Variants in NFS1 observed in about 807,000 individuals in gnomAD.
NFS1 encodes NFS1 cysteine desulfurase, also known as cysteine desulfurase.
A neutral mutation model predicts 57.3 loss-of-function variants in NFS1; 26 were observed. The observed-to-expected ratio is 0.45, with a 90% CI of 0.33 to 0.63. NFS1 has a LOEUF of 0.63. NFS1 is among the 20% of genes least tolerant of loss of function. The pLI is 0.02. For synonymous variants in NFS1, 209 were observed against 216.3 expected (o/e 0.97, Z 0.30); for missense variants, 505 against 605.8 (o/e 0.83, Z 1.75).
rs1367091532 is a variant in NFS1 at position 35,674,404 on chromosome 20, A to G, written c.1082T>C (p.Val361Ala). The G allele has an allele frequency of 6.2e-7, 1 of 1,613,928 alleles. No individual in the cohort carries two copies. The highest frequency in any genetic ancestry group is 8.5e-7 in the Non-Finnish European group (1 of 1,179,990). ...PGCINLSFAYVEGESLLMALK... is the reference protein window; with the variant it reads ...PGCINLSFAYAEGESLLMALK... ...TGCCATCAGCAGACTTTCCCCTTCC[A>G]CATATGCAAAGGAGAGGTTGATACA... Residue 361 changes from valine (V) to alanine (A), a missense_variant, in exon 10 of 13, where the codon GTG (valine) becomes GCG (alanine). Coordinates refer to ENST00000374092, the MANE Select transcript of NFS1 (RefSeq NM_021100.5).
rs2034760034 is a variant in NFS1, at chr20:35,676,831, G to A, written c.791-1629C>T. Among the ~76,000 whole-genome samples the A allele has an allele frequency of 2.0e-5, 3 of 149,722 alleles. No individual in the cohort carries two copies. In the South Asian group the frequency reaches 6.4e-4, roughly 32 times the overall value. On this transcript the variant is annotated intron_variant, in intron 7 of 12. Coordinates refer to ENST00000374092, the MANE Select transcript of NFS1 (RefSeq NM_021100.5). ...CCAGAAGGGAACTGCATAGCTGGAGGTCAGAGGTGAGAGGCAGACTTTTGT... is the reference window on the plus strand; with the variant it reads ...CCAGAAGGGAACTGCATAGCTGGAGATCAGAGGTGAGAGGCAGACTTTTGT...
chr20:35,699,208 C>T lies in NFS1; in HGVS notation c.81G>A (p.Arg27=), dbSNP rs1010107516. The T allele has an allele frequency of 2.7e-5, 39 of 1,423,448 alleles. No individual in the cohort carries two copies. The highest frequency in any genetic ancestry group is 3.5e-5 in the Non-Finnish European group (38 of 1,098,890). The allele number at this position is 1,423,448 out of a possible 1,614,324, so 88.2% of individuals were successfully genotyped here. A position where few individuals can be genotyped will look rare whatever the true frequency, so the allele number is the denominator to read the frequency against. ...CGAGCGTACCGCGCAGGCGCAGCCC[C>T]CGAGTGGGCGCCGCGGGCTTCGGCC... ...APGPKPAAPT[R]GLRLRVGDRA... is the part of the protein sequence containing the mutation. The change falls in exon 1 of 13, where the codon CGG becomes CGA. Residue 27 remains arginine, a synonymous_variant. Coordinates refer to ENST00000374092, the MANE Select transcript of NFS1 (RefSeq NM_021100.5). This position sits in a 1 kb window ranked among gnomAD's most constrained non-coding sequence, Gnocchi z 4.4.
chr20:35,678,958 C>T (rs1362171725), intron 7 of NFS1, among the ~76,000 whole-genome samples: 2 of 152,160 alleles, frequency 1.3e-5, no homozygotes, highest in Non-Finnish European at 2.9e-5. Flanking sequence ...CTATCTGAGT[C>T]TAAACAGTTC....
At chr20:35,673,076 T>A (rs1211073493) in intron 11 of NFS1, among the ~76,000 whole-genome samples, 1 of 152,038 alleles carries the variant, frequency 6.6e-6, no homozygotes, top group African/African-American at 2.4e-5. Flanking sequence ...TCACATGAGG[T>A]TGGGAGTTCG....
At chr20:35,678,816 A>G (rs1398481015) in intron 7 of NFS1, among the ~76,000 whole-genome samples, 1 of 152,174 alleles carries the variant, frequency 6.6e-6, no homozygotes, top group African/African-American at 2.4e-5. Context: ...GTAGGATAGC[A>G]CCACTGCACT....
chr20:35,674,612 G>T lies in NFS1; in HGVS notation c.954C>A (p.Asp318Glu). The change falls in exon 9 of 13, where the codon GAC becomes GAA. Residue 318 changes from aspartate (D) to glutamate (E), a missense_variant. By Grantham distance (45) the Asp-to-Glu change is conservative. Transcript: ENST00000374092. ...CTGACAACTTTGAGATTCGCTTGTG[G>T]TCATACTAAGGAGCAGGCAAGGAAG... The part of the protein sequence containing the change: ...CEVAQQEMEY[D>E]HKRISKLSER... 1 of 1,613,436 alleles carries T rather than the reference G, an allele frequency of 6.2e-7. No homozygotes were observed. Among genetic ancestry groups the T allele is most frequent in the Non-Finnish European group, 8.5e-7 (1 of 1,179,384 alleles).
At chr20:35,696,578 C>T (rs965610921) in intron 3 of NFS1, 118 bp from the exon 4 acceptor site, 5 of 716,210 alleles carry the variant, frequency 7.0e-6, no homozygotes, top group African/African-American at 3.5e-5. Flanking sequence ...CCAAATTGCC[C>T]TGGATGAAGG....
chr20:35,695,666 AGATCT>A (rs2035120251), intron 4 of NFS1, among the ~76,000 whole-genome samples: 1 of 152,208 alleles, frequency 6.6e-6, no homozygotes, highest in African/African-American at 2.4e-5. Flanking sequence ...TGTTGCAAAT[AGATCT>A]GATCAGAAAG....
chr20:35,698,919 G>A (rs2035193060), intron 1 of NFS1: 6 of 1,310,482 alleles, frequency 4.6e-6, no homozygotes, highest in Middle Eastern at 5.7e-4. Context: ...CGGTCTGCAC[G>A]GGAGCCCGGA....
intron 4 of NFS1, among the ~76,000 whole-genome samples, chr20:35,693,961 C>A (rs578245008): frequency 6.7e-6 from 1 of 148,904 alleles, no homozygotes; most frequent in Admixed American, 6.7e-5. Context: ...GGCTCCATCT[C>A]AAAAAAAAAT....
intron 12 of NFS1, among the ~76,000 whole-genome samples, chr20:35,671,363 A>C (rs2034651086): frequency 6.6e-6 from 1 of 152,200 alleles, no homozygotes; most frequent in African/African-American, 2.4e-5. Context: ...GGCCTCCCGA[A>C]GTGCTGGGAT....
intron 10 of NFS1, chr20:35,674,013 A>C (rs1051122795): frequency 4.9e-5 from 22 of 450,152 alleles, no homozygotes; most frequent in Middle Eastern, 6.5e-4. Flanking sequence ...CACCATCTGC[A>C]CCAGCCTGAA....
intron 5 of NFS1, among the ~76,000 whole-genome samples, chr20:35,685,142 C>T (rs2034917433): frequency 1.3e-5 from 2 of 150,878 alleles, no homozygotes; most frequent in Non-Finnish European, 2.9e-5. Context: ...CCACCTTGGC[C>T]CCCAAAGTGC....
chr20:35,693,025 G>GT (rs1345338287), intron 4 of NFS1, among the ~76,000 whole-genome samples: 3 of 151,720 alleles, frequency 2.0e-5, no homozygotes, highest in African/African-American at 4.8e-5. Context: ...AGAATTAACA[G>GT]TATCAACTTT....
At chr20:35,683,926 C>T (rs1568960891) in intron 5 of NFS1, among the ~76,000 whole-genome samples, 1 of 150,684 alleles carries the variant, frequency 6.6e-6, no homozygotes, top group African/African-American at 2.4e-5. Context: ...CCAGCCTGGC[C>T]AACATGGTGA....
In NFS1 at chr20:35,699,350, A is replaced by T. The variant is rs1282821901; in HGVS notation, c.-62T>A. On this transcript the variant is annotated 5_prime_UTR_variant, in exon 1 of 13. Coordinates refer to ENST00000374092, the MANE Select transcript of NFS1 (RefSeq NM_021100.5). The surrounding 1 kb of genome is among the most constrained non-coding windows in gnomAD (Gnocchi z 4.4). The stretch of plus-strand genomic sequence containing the variant: ...CAGTCCTGGGCCCCAGGCTCCCGGA[A>T]GTGCTGCCCGGCGCTCCGGAAGCGA... 1.5e-5 allele frequency: 20 copies of T among 1,374,802 alleles called. No homozygotes were observed. Among genetic ancestry groups the T allele is most frequent in the Non-Finnish European group, 1.6e-5 (17 of 1,058,674 alleles). The allele number at this position is 1,374,802 out of a possible 1,614,324, so 85.2% of individuals were successfully genotyped here. A position where few individuals can be genotyped will look rare whatever the true frequency, so the allele number is the denominator to read the frequency against.
At position 35,697,706 on chromosome 20, in the gene NFS1, G is replaced by A. The variant is rs779331589; in HGVS notation, c.302C>T (p.Ala101Val). 14 of 1,613,352 alleles carry A rather than the reference G, an allele frequency of 8.7e-6. No homozygotes were observed. In the Middle Eastern group the frequency reaches 5.0e-4, roughly 57 times the overall value. Residue 101 changes from alanine (A) to valine (V), a missense_variant, in exon 3 of 13, where the codon GCA becomes GTA. Coordinates refer to ENST00000374092, the MANE Select transcript of NFS1 (RefSeq NM_021100.5). ...AACCTGACGAGCACGTTCCATGGCT[G>A]CCTCACTCTCCCAGCCATAAGCATG... ...RTHAYGWESE[A>V]AMERARQQVA... is the part of the protein sequence containing the mutation.
At position 35,669,598 on chromosome 20, in the gene NFS1, G is replaced by A. The variant is rs2034619191; in HGVS notation, c.*24C>T. 3 of 1,611,972 alleles carry A rather than the reference G, an allele frequency of 1.9e-6. No individual in the cohort carries two copies. In the East Asian group the frequency reaches 6.7e-5, roughly 36 times the overall value. ...TGGTGAGGCAGGAGGGGCCAGACCA[G>A]CACAAAGTCAGGGCCCTATTCTTCT... is the stretch of plus-strand genomic sequence containing the variant. On this transcript the variant is annotated 3_prime_UTR_variant, in exon 13 of 13. Transcript: ENST00000374092.
intron 5 of NFS1, among the ~76,000 whole-genome samples, chr20:35,682,986 G>A (rs937441110): frequency 2.0e-5 from 3 of 151,774 alleles, no homozygotes; most frequent in African/African-American, 7.3e-5. Flanking sequence ...ACTGAGGCAG[G>A]GGAATGGCGT....
Sources: gnomAD v4.1 joint callset for allele counts (sites outside exome capture counted in the v4.1 genomes callset) on GRCh38, gnomAD v4.1.1 for gene constraint, Gnocchi (gnomAD v3.1) non-coding constraint, MANE v1.5 for transcripts, NCBI Gene and HGNC (gene_info 2026-07-23, HGNC 2026-07-21) for gene names.